The following NKAIN2 variants were observed in gnomAD, a reference collection of about 807,000 sequenced individuals.
NKAIN2 encodes sodium/potassium transporting ATPase interacting 2.
NKAIN2 carries 14 observed loss-of-function variants against 32.6 expected under a neutral mutation model. That is an observed-to-expected ratio of 0.43 (90% confidence interval 0.28 to 0.67). The LOEUF (loss-of-function observed/expected upper bound fraction) is 0.67, where lower values mean the gene tolerates loss of function less well. Ranked by LOEUF, NKAIN2 falls within the 30% of genes least tolerant of loss-of-function variation. The pLI, the probability that NKAIN2 is intolerant of heterozygous loss-of-function variation, is 0.17. For missense variants in NKAIN2, 198 were observed against 258.3 expected (o/e 0.77, Z 1.60); for synonymous variants, 80 against 87.2 (o/e 0.92, Z 0.46).
rs188535355 is a variant in NKAIN2, at chr6:124,288,817, T to A, written c.192+5675T>A. 3.9e-5 allele frequency among the ~76,000 whole-genome samples: 6 copies of A among 152,258 alleles called. No homozygotes were observed. The East Asian group carries it at 1.2e-3, about 29-fold the overall frequency. ...GTAATTGAATAAAATACTCAAAACA[T>A]ATTGGAAATACAAAAGACCTAGGAA... On this transcript the variant is annotated intron_variant, in intron 2 of 6. Coordinates refer to ENST00000368417, the MANE Select transcript of NKAIN2 (RefSeq NM_001040214.3).
At chr6:124,473,575 T>C (rs931811131) in intron 3 of NKAIN2, among the ~76,000 whole-genome samples, 4 of 152,208 alleles carry the variant, frequency 2.6e-5, no homozygotes, top group Admixed American at 6.6e-5. Context: ...TAGTATAAGA[T>C]TGTTTCCTTA....
At chr6:123,824,698 A>G (rs190914247) in intron 1 of NKAIN2, among the ~76,000 whole-genome samples, 5 of 151,888 alleles carry the variant, frequency 3.3e-5, no homozygotes, top group Non-Finnish European at 7.4e-5. Flanking sequence ...ACAAACCTAC[A>G]TGTTCTACAC....
chr6:124,637,735 T>C (rs1418575009), intron 3 of NKAIN2, among the ~76,000 whole-genome samples: 1 of 151,794 alleles, frequency 6.6e-6, no homozygotes, highest in African/African-American at 2.4e-5. Context: ...AATGAAACAG[T>C]AAAACACCGA....
chr6:124,362,015 CTTT>C (rs1422726233), intron 3 of NKAIN2, among the ~76,000 whole-genome samples: 1 of 151,960 alleles, frequency 6.6e-6, no homozygotes. Flanking sequence ...ATGCTGTAAT[CTTT>C]TTTTATTTGA....
intron 1 of NKAIN2, among the ~76,000 whole-genome samples, chr6:124,281,349 T>C (rs1248095291): frequency 2.0e-5 from 3 of 152,230 alleles, no homozygotes; most frequent in Non-Finnish European, 4.4e-5. Context: ...AGATTCTAAC[T>C]TCGCATATGT....
chr6:124,247,267 G>A (rs1793457249), intron 1 of NKAIN2, among the ~76,000 whole-genome samples: 2 of 152,134 alleles, frequency 1.3e-5, no homozygotes, highest in Non-Finnish European at 2.9e-5. Flanking sequence ...TTTTGAAACA[G>A]ATGAAAGTTC....
intron 1 of NKAIN2, among the ~76,000 whole-genome samples, chr6:124,073,488 C>T (rs1362234481): frequency 2.0e-5 from 3 of 152,140 alleles, no homozygotes; most frequent in Non-Finnish European, 4.4e-5. Context: ...TGAGCTATGA[C>T]TGTTTCTTGG....
intron 6 of NKAIN2, among the ~76,000 whole-genome samples, chr6:124,822,106 G>A (rs980862991): frequency 6.6e-6 from 1 of 152,052 alleles, no homozygotes; most frequent in East Asian, 1.9e-4. Flanking sequence ...TCTGCATTCT[G>A]TTTATTTCTT....
At chr6:124,152,570 A>T (rs1304671106) in intron 1 of NKAIN2, among the ~76,000 whole-genome samples, 1 of 152,032 alleles carries the variant, frequency 6.6e-6, no homozygotes, top group Non-Finnish European at 1.5e-5. Flanking sequence ...GTAGGAATAT[A>T]GAGTAGTACA....
intron 1 of NKAIN2, among the ~76,000 whole-genome samples, chr6:123,929,445 T>C (rs944066358): frequency 6.6e-6 from 1 of 152,230 alleles, no homozygotes; most frequent in South Asian, 2.1e-4. Context: ...CAGAAAGAGA[T>C]GAAATGACTC....
intron 4 of NKAIN2, among the ~76,000 whole-genome samples, chr6:124,677,756 G>C (rs1050212943): frequency 1.3e-5 from 2 of 151,914 alleles, no homozygotes; most frequent in Non-Finnish European, 2.9e-5. Context: ...TACCATTACA[G>C]TTTTACAGTA....
intron 1 of NKAIN2, among the ~76,000 whole-genome samples, chr6:123,869,882 GAA>G (rs748435113): frequency 2.6e-5 from 4 of 152,012 alleles, no homozygotes; most frequent in Non-Finnish European, 4.4e-5. Context: ...CTTTACATAG[GAA>G]AAAATAGGCT....
At chr6:124,673,729 G>A (rs902837808) in intron 4 of NKAIN2, among the ~76,000 whole-genome samples, 2 of 151,010 alleles carry the variant, frequency 1.3e-5, no homozygotes, top group Non-Finnish European at 3.0e-5. Context: ...TTTTTTAATT[G>A]GGTTTTTTTT....
intron 3 of NKAIN2, among the ~76,000 whole-genome samples, chr6:124,361,972 C>T (rs796936733): frequency 1.3e-5 from 2 of 152,156 alleles, no homozygotes; most frequent in African/African-American, 4.8e-5. Flanking sequence ...GCTTTTCTGA[C>T]CTCATATGTA....
chr6:124,001,290 A>G (rs1000335446), intron 1 of NKAIN2, among the ~76,000 whole-genome samples: 8 of 152,050 alleles, frequency 5.3e-5, no homozygotes, highest in Non-Finnish European at 8.8e-5. Flanking sequence ...GAAAACTGTG[A>G]TAACTTGCTA....
chr6:124,401,557 C>G (rs1480053994), intron 3 of NKAIN2, among the ~76,000 whole-genome samples: 1 of 152,192 alleles, frequency 6.6e-6, no homozygotes, highest in Non-Finnish European at 1.5e-5. Flanking sequence ...AAAAAGTTTA[C>G]CAACCTCTGC....
chr6:124,708,094 A>G (rs1343100432), intron 4 of NKAIN2, among the ~76,000 whole-genome samples: 1 of 149,706 alleles, frequency 6.7e-6, no homozygotes, highest in Admixed American at 6.7e-5. Context: ...TTTATTATAT[A>G]GGGAATCCTT....
intron 4 of NKAIN2, among the ~76,000 whole-genome samples, chr6:124,763,456 G>A (rs1340510326): frequency 1.3e-5 from 2 of 152,268 alleles, no homozygotes; most frequent in African/African-American, 4.8e-5. Flanking sequence ...GATGGAGGGA[G>A]GTGCCACACA....
At chr6:124,412,560 C>T (rs1225784053) in intron 3 of NKAIN2, among the ~76,000 whole-genome samples, 9 of 152,090 alleles carry the variant, frequency 5.9e-5, no homozygotes, top group East Asian at 3.9e-4. Flanking sequence ...AGTACCCGGC[C>T]GTGCGAGGTG....
Sources: allele counts gnomAD v4.1 joint callset (sites outside exome capture counted in the v4.1 genomes callset), GRCh38; gene constraint gnomAD v4.1.1; transcripts MANE v1.5; gene names NCBI Gene and HGNC (gene_info 2026-07-23, HGNC 2026-07-21).